Variants in MMP21 observed in about 807,000 individuals in gnomAD.
MMP21 encodes matrix metallopeptidase 21.
A neutral mutation model predicts 47.8 loss-of-function variants in MMP21; 40 were observed. The observed-to-expected ratio is 0.84, with a 90% CI of 0.65 to 1.09. The LOEUF (loss-of-function observed/expected upper bound fraction) is 1.09. Ranked by LOEUF, MMP21 falls within the 50% of genes least tolerant of loss-of-function variation. The pLI is 0.00. For synonymous variants in MMP21, 341 were observed against 318.0 expected (o/e 1.07, Z -0.77); for missense variants, 747 against 775.3 (o/e 0.96, Z 0.43).
In MMP21 at chr10:125,773,207, G is replaced by C. The variant is rs556769443; in HGVS notation, c.698-457C>G. On this transcript the variant is annotated intron_variant, in intron 2 of 6. Transcript: ENST00000368808. This position sits in a 1 kb window ranked among gnomAD's most constrained non-coding sequence, Gnocchi z 4.8. ...CAGCCCTGAGCACCCCCGGGTCACA[G>C]ATGGGGCTGCAAAGCGGCTTGTCTG... is the stretch of plus-strand genomic sequence containing the variant. Among the ~76,000 whole-genome samples the C allele has an allele frequency of 6.6e-6, 1 of 152,154 alleles. No homozygotes were observed. The highest frequency in any genetic ancestry group is 1.5e-5 in the Non-Finnish European group (1 of 68,020).
chr10:125,766,837 G>C lies in MMP21; in HGVS notation c.1535C>G (p.Ser512Cys), dbSNP rs1213199050. The change falls in exon 7 of 7, where the codon TCC (serine) becomes TGC (cysteine). Residue 512 changes from serine (S) to cysteine (C), a missense_variant. Coordinates refer to ENST00000368808, the MANE Select transcript of MMP21 (RefSeq NM_147191.1). ...PFRNIDSAYY[S>C]YAYNSIFFFK... ...AAAGAAAATGGAGTTGTATGCATAG[G>C]AGTAATAAGCGGAATCTATATTTCT... is the stretch of plus-strand genomic sequence containing the variant. The C allele has an allele frequency of 3.1e-6, 5 of 1,613,914 alleles. No homozygotes were observed. The South Asian group carries it at 5.5e-5, about 18-fold the overall frequency.
chr10:125,767,155 C>G (rs939653045), intron 6 of MMP21, among the ~76,000 whole-genome samples, 194 bp from the exon 7 acceptor site: 1 of 151,584 alleles, frequency 6.6e-6, no homozygotes, highest in Non-Finnish European at 1.5e-5. Context: ...TTTTTGGGCC[C>G]GGTCTCACTC....
intron 5 of MMP21, among the ~76,000 whole-genome samples, chr10:125,769,122 T>C (rs1373654327): frequency 1.3e-5 from 2 of 152,152 alleles, no homozygotes; most frequent in African/African-American, 2.4e-5. Flanking sequence ...CCCAAAATCA[T>C]GTTTATGATC....
Position 125,772,973 on chromosome 10 carries a change from G to A in MMP21, c.698-223C>T, listed in dbSNP as rs909756816. Among the ~76,000 whole-genome samples the A allele has an allele frequency of 3.9e-5, 6 of 152,356 alleles. No homozygotes were observed. The highest frequency in any genetic ancestry group is 3.4e-3 in the Middle Eastern group (1 of 294). On this transcript the variant is annotated intron_variant, in intron 2 of 6. Transcript: ENST00000368808. The surrounding 1 kb of genome is among the most constrained non-coding windows in gnomAD (Gnocchi z 5.6). ...AGACCAGCAGGCACCAAGTGCCTGG[G>A]AGCAGAGGGGAGCGGGGCTGGGTGA...
At position 125,771,435 on chromosome 10, in the gene MMP21, G is replaced by A. The variant is rs531284282; in HGVS notation, c.979+783C>T. Among the ~76,000 whole-genome samples the A allele has an allele frequency of 1.2e-4, 18 of 149,452 alleles. No homozygotes were observed. In the South Asian group the frequency reaches 3.8e-3, roughly 32 times the overall value. ...TTTTTTTTTTTTGAGATGGAGTCTC[G>A]CTCTGTCACCCAGGCTGGAGTGCAG... On this transcript the variant is annotated intron_variant, in intron 4 of 6. Coordinates refer to ENST00000368808, the MANE Select transcript of MMP21 (RefSeq NM_147191.1).
intron 5 of MMP21, among the ~76,000 whole-genome samples, chr10:125,769,728 A>AT (rs562685133): frequency 9.9e-5 from 15 of 151,232 alleles, no homozygotes; most frequent in African/African-American, 1.9e-4. Context: ...TGTCCAAGGT[A>AT]TTTTTTTTTC....
chr10:125,767,002 T>C (rs763428129), intron 6 of MMP21, 41 bp from the exon 7 acceptor site: 2 of 1,481,036 alleles, frequency 1.4e-6, no homozygotes, highest in Non-Finnish European at 9.0e-7. Context: ...CTGAAAATTA[T>C]TAATATTTTT....
At chr10:125,775,126 A>C (rs1850503254) in intron 1 of MMP21, among the ~76,000 whole-genome samples, 2 of 152,148 alleles carry the variant, frequency 1.3e-5, no homozygotes, top group Admixed American at 6.5e-5. Context: ...AAGGGGCCTC[A>C]TGGGTCCACT....
chr10:125,773,715 C>A lies in MMP21; in HGVS notation c.697+116G>T. 7.6e-7 allele frequency: 1 copy of A among 1,324,114 alleles called. No homozygotes were observed. The highest frequency in any genetic ancestry group is 9.8e-7 in the Non-Finnish European group (1 of 1,024,342). The allele number at this position is 1,324,114 out of a possible 1,614,324, so 82.0% of individuals were successfully genotyped here. ...TGCCTGCCCCGCTGACAGGTGCCCC[C>A]GGGACAGGCCGGGAGGGCTTAGCCC... On this transcript the variant is annotated intron_variant, in intron 2 of 6. Coordinates refer to ENST00000368808, the MANE Select transcript of MMP21 (RefSeq NM_147191.1). The surrounding 1 kb of genome is among the most constrained non-coding windows in gnomAD (Gnocchi z 4.8).
Position 125,774,219 on chromosome 10 carries a change from C to T in MMP21, c.309G>A (p.Glu103=). 7.2e-7 allele frequency: 1 copy of T among 1,383,746 alleles called. No homozygotes were observed. Among genetic ancestry groups the T allele is most frequent in the Non-Finnish European group, 9.3e-7 (1 of 1,071,540 alleles). 85.7% of individuals were successfully genotyped at this position (1,383,746 alleles called of 1,614,324 possible). A position where few individuals can be genotyped will look rare whatever the true frequency, so the allele number is the denominator to read the frequency against. Residue 103 remains glutamate (E), a synonymous_variant, in exon 2 of 7, where the codon GAG becomes GAA. Transcript: ENST00000368808. ...QRANALPASG[E]LDAATLAAMN... ...TGGCCGCTAGGGTGGCCGCGTCCAG[C>T]TCCCCGCTGGCCGGCAGCGCGTTCG... is the stretch of plus-strand genomic sequence containing the variant.
rs1850486438 is a variant in MMP21, at chr10:125,774,094, G to C, written c.434C>G (p.Ser145Cys). 7.4e-7 allele frequency: 1 copy of C among 1,350,738 alleles called. No homozygotes were observed. 83.7% of individuals were successfully genotyped at this position (1,350,738 alleles called of 1,614,324 possible). Residue 145 changes from serine (S) to cysteine (C), a missense_variant, in exon 2 of 7, where the codon TCC (serine) becomes TGC (cysteine). Coordinates refer to ENST00000368808, the MANE Select transcript of MMP21 (RefSeq NM_147191.1). Reference sequence around the variant, plus strand: ...GGACAAGGACAGCGGCGCCCGCGGGGAGCGCCTGGAGCGGGCTCTGGGGGG... The same window carrying C: ...GGACAAGGACAGCGGCGCCCGCGGGCAGCGCCTGGAGCGGGCTCTGGGGGG... The part of the protein sequence containing the change: ...GPPPRARSRR[S>C]PRAPLSLSRR...
Position 125,770,570 on chromosome 10 carries a change from T to C in MMP21, c.1001A>G (p.Asp334Gly). The change falls in exon 5 of 7, where the codon GAT (aspartate) becomes GGT (glycine). Residue 334 changes from aspartate (D) to glycine (G), a missense_variant. Transcript: ENST00000368808. The part of the protein sequence containing the change: ...KLYGSCEGSF[D>G]TAFDWIRKER... ...TTTGCGAATCCAGTCAAACGCAGTA[T>C]CAAATGATCCCTCACAGGAGCCTTA... 4 of 1,614,114 alleles carry C rather than the reference T, an allele frequency of 2.5e-6. No homozygotes were observed. The highest frequency in any genetic ancestry group is 3.4e-6 in the Non-Finnish European group (4 of 1,179,978).
chr10:125,772,822 G>A lies in MMP21; in HGVS notation c.698-72C>T, dbSNP rs1850466941. Reference sequence around the variant, plus strand: ...CCCATACAGACTCCTCACCTAGGGGGTCCCCAGCCTCCAGGAGCCGGCAGC... The same window carrying A: ...CCCATACAGACTCCTCACCTAGGGGATCCCCAGCCTCCAGGAGCCGGCAGC... On this transcript the variant is annotated intron_variant, in intron 2 of 6. Transcript: ENST00000368808. The surrounding 1 kb of genome is among the most constrained non-coding windows in gnomAD (Gnocchi z 5.6). 1.3e-6 allele frequency: 2 copies of A among 1,557,998 alleles called. No individual in the cohort carries two copies. Among genetic ancestry groups the A allele is most frequent in the East Asian group, 2.3e-5 (1 of 43,734 alleles).
chr10:125,774,407 G>A (rs565164417), intron 1 of MMP21, 42 bp from the exon 2 acceptor site: 10 of 1,301,160 alleles, frequency 7.7e-6, no homozygotes, highest in Non-Finnish European at 6.8e-6. Flanking sequence ...CGCCTCGCTC[G>A]GGGCCCTCCC....
At chr10:125,770,720 C>A (rs1375546071) in intron 4 of MMP21, 129 bp from the exon 5 acceptor site, 4 of 1,029,990 alleles carry the variant, frequency 3.9e-6, no homozygotes, top group Non-Finnish European at 5.5e-6. Context: ...AAGCAAGACA[C>A]CATGTAAGGC....
At position 125,775,705 on chromosome 10, in the gene MMP21, G is replaced by C. The variant is rs765361469; in HGVS notation, c.117C>G (p.Ser39=). ...CAATGGGCTTGGCCTGGCGCAGTGG[G>C]GACGGCTCCAGGTCCGAGCGGTCCC... ...HSRDRSDLEP[S]PLRQAKPIAD... Residue 39 remains serine (S), a synonymous_variant, in exon 1 of 7, where the codon TCC becomes TCG. Coordinates refer to ENST00000368808, the MANE Select transcript of MMP21 (RefSeq NM_147191.1). 1 of 1,613,420 alleles carries C rather than the reference G, an allele frequency of 6.2e-7. No homozygotes were observed. Among genetic ancestry groups the C allele is most frequent in the Non-Finnish European group, 8.5e-7 (1 of 1,179,670 alleles).
rs1850491498 is a variant in MMP21 at position 125,774,298 on chromosome 10, G to C, written c.230C>G (p.Pro77Arg). The C allele has an allele frequency of 7.1e-7, 1 of 1,416,760 alleles. No individual in the cohort carries two copies. Among genetic ancestry groups the C allele is most frequent in the Admixed American group, 3.2e-5 (1 of 31,018 alleles). The allele number at this position is 1,416,760 out of a possible 1,614,324, so 87.8% of individuals were successfully genotyped here. The change falls in exon 2 of 7, where the codon CCG becomes CGG. Residue 77 changes from proline to arginine, a missense_variant. Coordinates refer to ENST00000368808, the MANE Select transcript of MMP21 (RefSeq NM_147191.1). The part of the protein sequence containing the change: ...AAWGPSPEGP[P>R]ETPKGAALAE... ...CAGGGCGGCGCCCTTGGGGGTCTCC[G>C]GCGGCCCCTCGGGACTGGGCCCCCA...
chr10:125,768,756 T>C (rs1439045505), intron 5 of MMP21, among the ~76,000 whole-genome samples: 1 of 152,198 alleles, frequency 6.6e-6, no homozygotes, highest in Non-Finnish European at 1.5e-5. Flanking sequence ...ATGACCTAAA[T>C]CTATAATTAT....
intron 4 of MMP21, among the ~76,000 whole-genome samples, chr10:125,771,703 T>C (rs1221061043): frequency 6.6e-6 from 1 of 152,168 alleles, no homozygotes; most frequent in East Asian, 1.9e-4. Flanking sequence ...GTGCCCGGCC[T>C]AGGGACCTTT....
Sources: allele counts gnomAD v4.1 joint callset (sites outside exome capture counted in the v4.1 genomes callset), GRCh38; gene constraint gnomAD v4.1.1; non-coding constraint Gnocchi (gnomAD v3.1); transcripts MANE v1.5; gene names NCBI Gene and HGNC (gene_info 2026-07-23, HGNC 2026-07-21).